Variants in RC3H1 observed in about 807,000 individuals in gnomAD.
The protein encoded by RC3H1 is roquin-1.
In RC3H1, 50 loss-of-function variants were observed where a neutral mutation model predicts 138.2. The ratio of observed to expected loss-of-function variants is 0.36; its 90% confidence interval spans 0.29 to 0.46. RC3H1 has a LOEUF of 0.46. Ranked by LOEUF, RC3H1 falls within the 20% of genes least tolerant of loss-of-function variation. The pLI is 1.00. For missense variants in RC3H1, 1,031 were observed against 1,388.1 expected (o/e 0.74, Z 4.09); for synonymous variants, 462 against 489.1 (o/e 0.94, Z 0.73).
At chr1:173,962,312 A>G (rs1018845003) in intron 11 of RC3H1, among the ~76,000 whole-genome samples, 4 of 152,214 alleles carry the variant, frequency 2.6e-5, no homozygotes, top group African/African-American at 9.6e-5. Context: ...CTTATAATCT[A>G]TAATAGTAGA....
At position 174,021,490 on chromosome 1, in the gene RC3H1, G is replaced by GTT. The variant is rs200151859; in HGVS notation, c.-151+604_-151+605dup. On this transcript the variant is annotated intron_variant, in intron 1 of 19. Coordinates refer to ENST00000367696, the MANE Select transcript of RC3H1 (RefSeq NM_172071.4). Reference sequence around the variant, plus strand: ...TGTTTTTGTTGCATTTAAGTTTTTTGTTTTTTTTTTTTAAAGACACCTGCA... The same window carrying GTT: ...TGTTTTTGTTGCATTTAAGTTTTTTGTTTTTTTTTTTTTTAAAGACACCTGCA... Among the ~76,000 whole-genome samples the GTT allele has an allele frequency of 4.8e-5, 7 of 144,446 alleles. No homozygotes were observed. In the East Asian group the frequency reaches 9.9e-4, roughly 20 times the overall value. The allele number at this position is 144,446 out of a possible 152,430, so 94.8% of individuals were successfully genotyped here.
intron 1 of RC3H1, 78 bp from the exon 2 acceptor site, chr1:173,993,213 T>G: frequency 1.9e-6 from 1 of 517,498 alleles, no homozygotes; most frequent in South Asian, 2.5e-5. Context: ...ACAAGTCCAG[T>G]CTTATTCCAC....
At chr1:173,975,984 A>G (rs975778089) in intron 7 of RC3H1, among the ~76,000 whole-genome samples, 1 of 151,044 alleles carries the variant, frequency 6.6e-6, no homozygotes, top group Non-Finnish European at 1.5e-5. Context: ...TATGGGATAG[A>G]TAAGATTATC....
intron 9 of RC3H1, among the ~76,000 whole-genome samples, chr1:173,967,497 C>G (rs539776289): frequency 6.6e-6 from 1 of 152,326 alleles, no homozygotes; most frequent in Non-Finnish European, 1.5e-5. Context: ...AAAACCTCAT[C>G]AAATACTGGG....
chr1:174,020,865 C>T (rs184010342), intron 1 of RC3H1, among the ~76,000 whole-genome samples: 4 of 152,104 alleles, frequency 2.6e-5, no homozygotes, highest in South Asian at 2.1e-4. Flanking sequence ...AAAAATCAGC[C>T]GGGCATGGTG....
rs1660787011 is a variant in RC3H1, at chr1:173,980,932, T to C, written c.846A>G (p.Glu282=). 6.2e-7 allele frequency: 1 copy of C among 1,614,076 alleles called. No homozygotes were observed. Residue 282 remains glutamate (E), a synonymous_variant, in exon 6 of 20, where the codon GAA becomes GAG. Coordinates refer to ENST00000367696, the MANE Select transcript of RC3H1 (RefSeq NM_172071.4). The stretch of plus-strand genomic sequence containing the variant: ...CAATCTGCACTATCTGGGAGTCATG[T>C]TCTCGCCGCAGAGCTTCATAGGTTC... ...EFRTYEALRR[E]HDSQIVQIAM...
chr1:173,945,058 C>T (rs78999671), intron 17 of RC3H1, among the ~76,000 whole-genome samples: 1 of 151,910 alleles, frequency 6.6e-6, no homozygotes. Context: ...TATGTTCCAA[C>T]GTAAAGGATG....
In RC3H1 at chr1:173,961,966, T is replaced by G; in HGVS notation, c.1961A>C (p.Gln654Pro). ...PYLQERVVNS[Q>P]YGTQPQQYPP... ...GTACTGCTGTGGCTGTGTGCCATAC[T>G]GAGAGTTTACAACACGTTCTTGGAG... is the stretch of plus-strand genomic sequence containing the variant. The change falls in exon 12 of 20, where the codon CAG becomes CCG. Residue 654 changes from glutamine (Q) to proline (P), a missense_variant. Coordinates refer to ENST00000367696, the MANE Select transcript of RC3H1 (RefSeq NM_172071.4). 6.2e-7 allele frequency: 1 copy of G among 1,614,172 alleles called. No individual in the cohort carries two copies. Among genetic ancestry groups the G allele is most frequent in the Non-Finnish European group, 8.5e-7 (1 of 1,180,022 alleles).
intron 5 of RC3H1, 60 bp from the exon 6 acceptor site, chr1:173,981,069 A>G: frequency 7.2e-7 from 1 of 1,383,750 alleles, no homozygotes; most frequent in Non-Finnish European, 1.0e-6. Context: ...GCTTTATATG[A>G]ACATATAATT....
At chr1:173,950,332 C>A (rs1659335517) in intron 14 of RC3H1, among the ~76,000 whole-genome samples, 1 of 149,780 alleles carries the variant, frequency 6.7e-6, no homozygotes, top group Non-Finnish European at 1.5e-5. Flanking sequence ...GTAACTACAG[C>A]ACTTTCAGAA....
At chr1:173,968,856 ATTTT>A (rs370550482) in intron 9 of RC3H1, among the ~76,000 whole-genome samples, 3 of 128,110 alleles carry the variant, frequency 2.3e-5, no homozygotes, top group African/African-American at 3.0e-5. Context: ...AGGAATTTTG[ATTTT>A]TTTTTTTTTT....
rs1658455746 is a variant in RC3H1, at chr1:173,933,257, G to C, written c.*5464C>G. The stretch of plus-strand genomic sequence containing the variant: ...TTCAGTGTTTGGCTGAAAATCCAGA[G>C]GCTCTGAAAACAAGGATTCCAGTGG... On this transcript the variant is annotated 3_prime_UTR_variant, in exon 20 of 20. Coordinates refer to ENST00000367696, the MANE Select transcript of RC3H1 (RefSeq NM_172071.4). 1 of 151,988 alleles carries C rather than the reference G, an allele frequency of 6.6e-6. No homozygotes were observed. The highest frequency in any genetic ancestry group is 2.1e-4 in the South Asian group (1 of 4,832). 9.4% of individuals were successfully genotyped at this position (151,988 alleles called of 1,614,324 possible). A position where few individuals can be genotyped will look rare whatever the true frequency, so the allele number is the denominator to read the frequency against.
intron 8 of RC3H1, among the ~76,000 whole-genome samples, chr1:173,971,055 C>T (rs1319099827): frequency 2.0e-5 from 3 of 151,520 alleles, no homozygotes; most frequent in African/African-American, 4.9e-5. Context: ...TCCACCTCCC[C>T]GGCTCAAGCG....
intron 8 of RC3H1, among the ~76,000 whole-genome samples, chr1:173,971,227 G>A (rs1660348327): frequency 6.6e-6 from 1 of 152,052 alleles, no homozygotes; most frequent in Non-Finnish European, 1.5e-5. Flanking sequence ...CTCCCAAAGT[G>A]CTTGGGATTA....
intron 7 of RC3H1, among the ~76,000 whole-genome samples, chr1:173,974,695 T>A (rs371749714): frequency 3.9e-5 from 6 of 152,018 alleles, no homozygotes; most frequent in African/African-American, 1.2e-4. Context: ...TTGAGAGAGG[T>A]AGTAGAAGAC....
chr1:174,006,450 G>A (rs1301679143), intron 1 of RC3H1, among the ~76,000 whole-genome samples: 2 of 152,080 alleles, frequency 1.3e-5, no homozygotes, highest in Non-Finnish European at 2.9e-5. Context: ...CTTTACTGAT[G>A]AAGGAAGGAA....
At chr1:173,968,871 T>TTG (rs1439864381) in intron 9 of RC3H1, among the ~76,000 whole-genome samples, 1 of 150,398 alleles carries the variant, frequency 6.6e-6, no homozygotes, top group Non-Finnish European at 1.5e-5. Context: ...TTTTTTTTTT[T>TTG]TTTTGGAGAC....
chr1:173,965,158 A>G, intron 9 of RC3H1, 38 bp from the exon 10 acceptor site: 3 of 1,553,116 alleles, frequency 1.9e-6, no homozygotes, highest in Non-Finnish European at 2.6e-6. Context: ...AAAAGCAAAT[A>G]TAAAAGCAAA....
chr1:173,975,522 T>C (rs1660537494), intron 7 of RC3H1, among the ~76,000 whole-genome samples: 2 of 142,524 alleles, frequency 1.4e-5, no homozygotes, highest in African/African-American at 5.2e-5. Flanking sequence ...GGTTGTTAAT[T>C]ATAATATGTC....
Sources: gnomAD v4.1 joint callset for allele counts (sites outside exome capture counted in the v4.1 genomes callset) on GRCh38, gnomAD v4.1.1 for gene constraint, MANE v1.5 for transcripts, NCBI Gene and HGNC (gene_info 2026-07-23, HGNC 2026-07-21) for gene names.